Variants in SH3RF3 observed in about 807,000 individuals in gnomAD.
SH3RF3 encodes E3 ubiquitin-protein ligase SH3RF3.
SH3RF3 carries 29 observed loss-of-function variants against 66.3 expected under a neutral mutation model. The ratio of observed to expected loss-of-function variants is 0.44; its 90% CI spans 0.33 to 0.60. The LOEUF is 0.60. Among genes scored for constraint, SH3RF3 ranks in the 20% least tolerant of loss-of-function variants. The probability of loss-of-function intolerance (pLI) is 0.04; values close to 1 mark genes in which losing one functional copy is unlikely to be tolerated. For missense variants in SH3RF3, 1,194 were observed against 1,190.9 expected, an observed-to-expected ratio of 1.00 and a Z score of -0.04; for synonymous variants, 583 against 532.0, an observed-to-expected ratio of 1.10 and a Z score of -1.32.
intron 1 of SH3RF3, among the ~76,000 whole-genome samples, chr2:109,171,716 C>T (rs980902559): frequency 3.3e-5 from 5 of 152,262 alleles, no homozygotes; most frequent in Admixed American, 2.0e-4. Context: ...TCCAGAGGCC[C>T]AGCCCCTGCG....
chr2:109,264,730 C>T (rs1245218611), intron 1 of SH3RF3, among the ~76,000 whole-genome samples: 1 of 152,198 alleles, frequency 6.6e-6, no homozygotes, highest in Non-Finnish European at 1.5e-5. Context: ...TATCCTTAGC[C>T]AGTGCCCTTC....
chr2:109,166,194 G>A (rs1490489587), intron 1 of SH3RF3, among the ~76,000 whole-genome samples: 1 of 152,032 alleles, frequency 6.6e-6, no homozygotes, highest in Non-Finnish European at 1.5e-5. Context: ...AAGGAAAGAT[G>A]CAGGCCAGGC....
chr2:109,487,758 C>A (rs1679020927), intron 8 of SH3RF3, among the ~76,000 whole-genome samples: 1 of 152,164 alleles, frequency 6.6e-6, no homozygotes, highest in South Asian at 2.1e-4. Context: ...CCCACCGAGT[C>A]CCTCTCTACT....
chr2:109,368,333 C>T (rs927563158), intron 2 of SH3RF3, among the ~76,000 whole-genome samples: 1 of 152,052 alleles, frequency 6.6e-6, no homozygotes, highest in African/African-American at 2.4e-5. Context: ...AAATACATTC[C>T]CCAGTTCAAG....
At chr2:109,400,468 C>T (rs1559063160) in intron 4 of SH3RF3, among the ~76,000 whole-genome samples, 1 of 152,112 alleles carries the variant, frequency 6.6e-6, no homozygotes, top group African/African-American at 2.4e-5. Context: ...CACACATACA[C>T]ATGTGCACAC....
At chr2:109,401,874 A>G (rs1412308401) in intron 4 of SH3RF3, among the ~76,000 whole-genome samples, 1 of 152,200 alleles carries the variant, frequency 6.6e-6, no homozygotes, top group Non-Finnish European at 1.5e-5. Context: ...TAATTTGCAT[A>G]CTACCTGGCT....
At chr2:109,200,792 A>T (rs534004240) in intron 1 of SH3RF3, among the ~76,000 whole-genome samples, 1 of 152,328 alleles carries the variant, frequency 6.6e-6, no homozygotes, top group Admixed American at 6.5e-5. Context: ...GGCTGAGCAC[A>T]GAAGAAAAAC....
intron 4 of SH3RF3, among the ~76,000 whole-genome samples, chr2:109,399,173 C>T (rs1278734597): frequency 6.6e-6 from 1 of 152,096 alleles, no homozygotes; most frequent in Non-Finnish European, 1.5e-5. Flanking sequence ...GGTGTGTGAG[C>T]TGATTTTCAG....
At chr2:109,371,382 T>C (rs1341899545) in intron 2 of SH3RF3, among the ~76,000 whole-genome samples, 1 of 152,182 alleles carries the variant, frequency 6.6e-6, no homozygotes, top group Non-Finnish European at 1.5e-5. Flanking sequence ...AGAGCGAGAC[T>C]CCGCCCCTCC....
intron 1 of SH3RF3, among the ~76,000 whole-genome samples, chr2:109,272,794 C>G (rs541289552): frequency 6.6e-6 from 1 of 152,278 alleles, no homozygotes; most frequent in South Asian, 2.1e-4. Context: ...TAAACAGCCC[C>G]CGGTACTGCC....
intron 7 of SH3RF3, among the ~76,000 whole-genome samples, chr2:109,437,392 G>A (rs1321750858): frequency 6.6e-6 from 1 of 151,600 alleles, no homozygotes; most frequent in African/African-American, 2.4e-5. Context: ...GTGAACGTCT[G>A]ATCTCCAGGA....
chr2:109,195,651 G>A (rs1386446666), intron 1 of SH3RF3, among the ~76,000 whole-genome samples: 1 of 152,176 alleles, frequency 6.6e-6, no homozygotes, highest in Admixed American at 6.5e-5. Flanking sequence ...GCCTCTGACC[G>A]TGTGCCAGAG....
At chr2:109,407,975 A>G (rs1676490934) in intron 4 of SH3RF3, among the ~76,000 whole-genome samples, 1 of 152,186 alleles carries the variant, frequency 6.6e-6, no homozygotes, top group South Asian at 2.1e-4. Context: ...GCTAGGAACC[A>G]GATCCACGGG....
intron 3 of SH3RF3, among the ~76,000 whole-genome samples, chr2:109,378,768 C>A (rs1158465687): frequency 6.6e-6 from 1 of 152,186 alleles, no homozygotes; most frequent in African/African-American, 2.4e-5. Flanking sequence ...TATGAGGCTT[C>A]CACTCTGGAA....
At chr2:109,292,229 G>T (rs944899069) in intron 1 of SH3RF3, among the ~76,000 whole-genome samples, 1 of 152,184 alleles carries the variant, frequency 6.6e-6, no homozygotes, top group Non-Finnish European at 1.5e-5. Flanking sequence ...CAGAAAATTT[G>T]TAATGTATAA....
At position 109,373,746 on chromosome 2, in the gene SH3RF3, G is replaced by A. The variant is rs550985224; in HGVS notation, c.945+2065G>A. ...TTATGCTGCTGTAAAATGGTGTCCA[G>A]TTAAGCTTTACACACTTCTAACTGC... On this transcript the variant is annotated intron_variant, in intron 3 of 9. Coordinates refer to ENST00000309415, the MANE Select transcript of SH3RF3 (RefSeq NM_001099289.3). 9.2e-5 allele frequency among the ~76,000 whole-genome samples: 14 copies of A among 152,300 alleles called. No homozygotes were observed. In the East Asian group the frequency reaches 2.1e-3, roughly 23 times the overall value.
chr2:109,461,415 G>A (rs1466428594), intron 8 of SH3RF3, among the ~76,000 whole-genome samples: 4 of 151,174 alleles, frequency 2.6e-5, no homozygotes, highest in African/African-American at 9.7e-5. Context: ...AAGGCCCCAC[G>A]TAGCATCCCT....
At chr2:109,438,623 A>C (rs1355272263) in intron 7 of SH3RF3, among the ~76,000 whole-genome samples, 4 of 152,194 alleles carry the variant, frequency 2.6e-5, no homozygotes, top group Non-Finnish European at 5.9e-5. Flanking sequence ...CCTGGGAAAG[A>C]ATCTGCAGCA....
At chr2:109,444,793 A>G (rs1174607729) in intron 7 of SH3RF3, among the ~76,000 whole-genome samples, 1 of 152,218 alleles carries the variant, frequency 6.6e-6, no homozygotes, top group Non-Finnish European at 1.5e-5. Context: ...TTAAGATTTC[A>G]AAACACAAAA....
Sources: gnomAD v4.1 joint callset for allele counts (sites outside exome capture counted in the v4.1 genomes callset) on GRCh38, gnomAD v4.1.1 for gene constraint, MANE v1.5 for transcripts, NCBI Gene and HGNC (gene_info 2026-07-23, HGNC 2026-07-21) for gene names.